Variants in ITIH5 observed in about 807,000 individuals in gnomAD.
ITIH5 encodes inter-alpha-trypsin inhibitor heavy chain H5.
In ITIH5, 65 loss-of-function variants were observed where a neutral mutation model predicts 77.5. The ratio of observed to expected loss-of-function variants is 0.84; its 90% CI spans 0.69 to 1.03. The LOEUF is 1.03. ITIH5 is among the 50% of genes least tolerant of loss of function. The pLI is 0.00. For synonymous variants in ITIH5, 525 were observed against 494.3 expected (o/e 1.06, Z -0.82); for missense variants, 1,208 against 1,213.1 (o/e 1.00, Z 0.06).
intron 7 of ITIH5, among the ~76,000 whole-genome samples, chr10:7,612,658 G>GT (rs71383926): frequency 0.083 from 11,330 of 136,870 alleles, 647 homozygotes; most frequent in African/African-American, 0.18. Flanking sequence ...AAAAAGCTGT[G>GT]TTTTTTTTTT....
At chr10:7,595,496 G>A (rs537373277) in intron 7 of ITIH5, among the ~76,000 whole-genome samples, 23 of 152,264 alleles carry the variant, frequency 1.5e-4, no homozygotes, top group African/African-American at 4.8e-4. Context: ...CTTCTTACTA[G>A]AGTCACAAAG....
chr10:7,597,044 C>CAAAAAAAA lies in ITIH5; in HGVS notation c.940-10983_940-10976dup, dbSNP rs71383924. Among the ~76,000 whole-genome samples the CAAAAAAAA allele has an allele frequency of 1.8e-3, 68 of 36,902 alleles. 4 individuals carry two copies. Among genetic ancestry groups the CAAAAAAAA allele is most frequent in the African/African-American group, 3.2e-3 (49 of 15,474 alleles). 24.2% of individuals were successfully genotyped at this position (36,902 alleles called of 152,430 possible). A position where few individuals can be genotyped will look rare whatever the true frequency, so the allele number is the denominator to read the frequency against. ...CTGGGTGCAGAGTGAGTCTCCAACT[C>CAAAAAAAA]AAAAAAAAAAAAAAAAAAAATTCCA... On this transcript the variant is annotated intron_variant, in intron 7 of 13. Transcript: ENST00000397146.
At chr10:7,619,162 G>A (rs952762403) in intron 5 of ITIH5, 1 of 152,358 alleles carries the variant, frequency 6.6e-6, no homozygotes, top group African/African-American at 2.4e-5. Flanking sequence ...AAAGAAACGG[G>A]TGCTGAAAAA....
intron 9 of ITIH5, chr10:7,578,673 T>C (rs1438870160): frequency 2.0e-5 from 3 of 152,226 alleles, no homozygotes; most frequent in Non-Finnish European, 2.9e-5. Context: ...GCTTTGACTA[T>C]GGCTATTAAA....
intron 5 of ITIH5, among the ~76,000 whole-genome samples, chr10:7,635,562 G>C (rs931124818): frequency 5.3e-5 from 8 of 152,130 alleles, no homozygotes; most frequent in African/African-American, 1.9e-4. Context: ...AGAATGTCAA[G>C]CTCATTGTTT....
In ITIH5 at chr10:7,569,723, G is replaced by A; in HGVS notation, c.2094C>T (p.Asn698=). The change falls in exon 12 of 14, where the codon AAC becomes AAT. Residue 698 remains asparagine (N), a synonymous_variant. Coordinates refer to ENST00000397146, the MANE Select transcript of ITIH5 (RefSeq NM_030569.7). ...FPLSRLTVCF[N]IDGQPGDILR... is the part of the protein sequence containing the mutation. The stretch of plus-strand genomic sequence containing the variant: ...GGATGTCCCCGGGCTGCCCATCAAT[G>A]TTGAAGCACACGGTGAGTCTGCTCA... 3 of 1,613,378 alleles carry A rather than the reference G, an allele frequency of 1.9e-6. No homozygotes were observed. Among genetic ancestry groups the A allele is most frequent in the Non-Finnish European group, 2.5e-6 (3 of 1,179,740 alleles).
intron 7 of ITIH5, among the ~76,000 whole-genome samples, chr10:7,604,833 T>TA (rs1023120425): frequency 1.3e-5 from 2 of 151,308 alleles, no homozygotes; most frequent in Non-Finnish European, 2.9e-5. Flanking sequence ...TGTTTCATTT[T>TA]TTCTTCTTTT....
chr10:7,582,442 C>T lies in ITIH5; in HGVS notation c.1109-2378G>A, dbSNP rs77804969. On this transcript the variant is annotated intron_variant, in intron 8 of 13. Coordinates refer to ENST00000397146, the MANE Select transcript of ITIH5 (RefSeq NM_030569.7). ...AGCAGAGACCTTACTGTAGTGTGAA[C>T]ACCTATTTCCTTTGTTTTTTTTTTA... Among the ~76,000 whole-genome samples, 463 of 94,604 alleles carry T rather than the reference C, an allele frequency of 4.9e-3. 1 individual carries two copies. Among genetic ancestry groups the T allele is most frequent in the African/African-American group, 0.016 (439 of 27,492 alleles). 62.1% of individuals were successfully genotyped at this position (94,604 alleles called of 152,430 possible).
chr10:7,656,695 C>A (rs900908954), intron 1 of ITIH5, among the ~76,000 whole-genome samples: 2 of 151,226 alleles, frequency 1.3e-5, no homozygotes, highest in Non-Finnish European at 2.9e-5. Context: ...GGCAGTTTTA[C>A]AATGTAGATC....
intron 7 of ITIH5, among the ~76,000 whole-genome samples, chr10:7,613,294 G>C (rs190470640): frequency 5.3e-5 from 8 of 150,218 alleles, no homozygotes; most frequent in Non-Finnish European, 1.0e-4. Flanking sequence ...ATAATGCGAA[G>C]AACTTCACAA....
chr10:7,627,330 TAAAAAA>T lies in ITIH5; in HGVS notation c.652+9892_652+9897del, dbSNP rs55799504. 3.0e-3 allele frequency among the ~76,000 whole-genome samples: 399 copies of T among 132,140 alleles called. 2 individuals are homozygous for T. The highest frequency in any genetic ancestry group is 0.011 in the African/African-American group (377 of 34,712). The allele number at this position is 132,140 out of a possible 152,430, so 86.7% of individuals were successfully genotyped here. ...AAAAAAAGAAAATAAGAAGATAAAG[TAAAAAA>T]AAAAAAAAAAAAAATTAAACAGGTT... On this transcript the variant is annotated intron_variant, in intron 5 of 13. Coordinates refer to ENST00000397146, the MANE Select transcript of ITIH5 (RefSeq NM_030569.7).
At chr10:7,647,912 C>G (rs1834031843) in intron 2 of ITIH5, among the ~76,000 whole-genome samples, 1 of 151,988 alleles carries the variant, frequency 6.6e-6, no homozygotes, top group Non-Finnish European at 1.5e-5. Flanking sequence ...CCCCAATGGC[C>G]ATCCAAAGCC....
intron 13 of ITIH5, among the ~76,000 whole-genome samples, chr10:7,565,576 T>C (rs1832133808): frequency 6.7e-6 from 1 of 149,016 alleles, no homozygotes; most frequent in Non-Finnish European, 1.5e-5. Flanking sequence ...AGACGGTATA[T>C]ATAATACATA....
intron 7 of ITIH5, among the ~76,000 whole-genome samples, chr10:7,614,256 A>G (rs1422073288): frequency 6.6e-6 from 1 of 152,222 alleles, no homozygotes; most frequent in African/African-American, 2.4e-5. Context: ...AGCAGTTGGC[A>G]GGTTGCGCTC....
intron 7 of ITIH5, among the ~76,000 whole-genome samples, chr10:7,598,916 G>C (rs1832961242): frequency 6.6e-6 from 1 of 152,128 alleles, no homozygotes; most frequent in Non-Finnish European, 1.5e-5. Flanking sequence ...ATTAATCTTT[G>C]TGTTTGCATA....
intron 7 of ITIH5, among the ~76,000 whole-genome samples, chr10:7,608,680 G>C (rs1405502086): frequency 6.6e-6 from 1 of 152,154 alleles, no homozygotes; most frequent in Non-Finnish European, 1.5e-5. Flanking sequence ...CAGTCACCCA[G>C]CTTGCCCGAG....
intron 13 of ITIH5, among the ~76,000 whole-genome samples, chr10:7,565,204 AT>A (rs1170050013): frequency 1.4e-5 from 2 of 147,362 alleles, no homozygotes; most frequent in African/African-American, 2.5e-5. Context: ...ATACACACAC[AT>A]ACACACACAT....
chr10:7,643,435 G>A (rs1203610377), intron 2 of ITIH5, among the ~76,000 whole-genome samples: 1 of 152,202 alleles, frequency 6.6e-6, no homozygotes, highest in Non-Finnish European at 1.5e-5. Flanking sequence ...GTCCATGCCA[G>A]CAAGTAATGG....
chr10:7,599,513 G>C (rs1399211846), intron 7 of ITIH5, among the ~76,000 whole-genome samples: 1 of 152,130 alleles, frequency 6.6e-6, no homozygotes, highest in African/African-American at 2.4e-5. Context: ...TGCAGGTCTG[G>C]ATTCTAGATC....
Sources: gnomAD v4.1 joint callset for allele counts (sites outside exome capture counted in the v4.1 genomes callset) on GRCh38, gnomAD v4.1.1 for gene constraint, MANE v1.5 for transcripts, NCBI Gene and HGNC (gene_info 2026-07-23, HGNC 2026-07-21) for gene names.